The following CSMD1 variants were observed in gnomAD, a reference collection of about 807,000 sequenced individuals.
CSMD1 encodes the protein CUB and Sushi multiple domains 1, also known as CUB and sushi domain-containing protein 1.
Under a neutral mutation model 417.5 loss-of-function variants are expected in CSMD1, and 213 were observed. That is an observed-to-expected ratio of 0.51 (90% CI 0.46 to 0.57). The LOEUF is 0.57. Among genes scored for constraint, CSMD1 ranks in the 20% least tolerant of loss-of-function variants. CSMD1 has a pLI of 0.00. For missense variants in CSMD1, 6,923 were observed against 4,529.7 expected (o/e 1.53, Z -15.17); for synonymous variants, 2,862 against 1,736.8 (o/e 1.65, Z -16.11).
At chr8:3,458,745 T>A (rs569156465) in intron 12 of CSMD1, among the ~76,000 whole-genome samples, 102 of 152,322 alleles carry the variant, frequency 6.7e-4, no homozygotes, top group African/African-American at 2.4e-3. Flanking sequence ...AAATGGCTCT[T>A]AATATCTTTG....
At chr8:4,479,969 A>G (rs1484491393) in intron 2 of CSMD1, among the ~76,000 whole-genome samples, 1 of 150,966 alleles carries the variant, frequency 6.6e-6, no homozygotes, top group African/African-American at 2.5e-5. Flanking sequence ...CTGTCTCAAA[A>G]AAAAAAAAAA....
intron 2 of CSMD1, among the ~76,000 whole-genome samples, chr8:4,511,390 T>A (rs1416712317): frequency 1.3e-5 from 2 of 152,194 alleles, no homozygotes; most frequent in African/African-American, 4.8e-5. Context: ...CAAATCAGGA[T>A]TCTTTGCAAA....
chr8:4,803,441 G>T (rs17071413), intron 1 of CSMD1, among the ~76,000 whole-genome samples: 1 of 152,212 alleles, frequency 6.6e-6, no homozygotes, highest in East Asian at 1.9e-4. Context: ...TTATAGGAAG[G>T]GGTTTTGCAT....
chr8:3,364,005 A>T (rs1471124395), intron 20 of CSMD1, among the ~76,000 whole-genome samples: 1 of 152,216 alleles, frequency 6.6e-6, no homozygotes, highest in Admixed American at 6.5e-5. Flanking sequence ...ACACTGCTTT[A>T]ATAAGGCCTT....
chr8:3,603,846 C>A (rs970479599), intron 8 of CSMD1, among the ~76,000 whole-genome samples: 1 of 152,158 alleles, frequency 6.6e-6, no homozygotes. Context: ...ATACTTTCTA[C>A]TTTTTCTTCT....
Position 4,274,148 on chromosome 8 carries a change from C to T in CSMD1, c.415+145805G>A, listed in dbSNP as rs150090112. On this transcript the variant is annotated intron_variant, in intron 3 of 69. Coordinates refer to ENST00000635120, the MANE Select transcript of CSMD1 (RefSeq NM_033225.6). ...TTATCTTAGAAGTGACTCTAATACTCACTAATGTATTTTTTTGCAAAGTTA... is the reference window on the plus strand; with the variant it reads ...TTATCTTAGAAGTGACTCTAATACTTACTAATGTATTTTTTTGCAAAGTTA... 5.3e-4 allele frequency among the ~76,000 whole-genome samples: 80 copies of T among 152,190 alleles called. No individual in the cohort carries two copies. The East Asian group carries it at 6.6e-3, about 12-fold the overall frequency.
intron 7 of CSMD1, among the ~76,000 whole-genome samples, chr8:3,703,433 C>T (rs1256362231): frequency 7.6e-6 from 1 of 130,882 alleles, no homozygotes; most frequent in Non-Finnish European, 1.6e-5. Flanking sequence ...TTCCTTTCTC[C>T]CTTTTCATTC....
chr8:3,929,012 G>A (rs959521639), intron 5 of CSMD1, among the ~76,000 whole-genome samples: 2 of 150,258 alleles, frequency 1.3e-5, no homozygotes, highest in African/African-American at 4.9e-5. Flanking sequence ...ACCGATTTTT[G>A]GTTTCCCTGT....
chr8:3,992,776 G>C (rs1337348829), intron 5 of CSMD1, among the ~76,000 whole-genome samples: 1 of 152,198 alleles, frequency 6.6e-6, no homozygotes, highest in Non-Finnish European at 1.5e-5. Context: ...AGGAGACCCA[G>C]TACTAACATT....
At chr8:4,244,634 C>A (rs1261973993) in intron 3 of CSMD1, among the ~76,000 whole-genome samples, 1 of 151,866 alleles carries the variant, frequency 6.6e-6, no homozygotes, top group Admixed American at 6.6e-5. Flanking sequence ...TGACAAATTT[C>A]TTCAAAACTG....
In CSMD1 at chr8:4,638,728, G is replaced by A. The variant is rs181992544; in HGVS notation, c.86-1170C>T. Reference sequence around the variant, plus strand: ...GCCCTCCCTTAAGAACTTCCCTTTGGCAGGTGGAATTGGGATCACCCTGAG... The same window carrying A: ...GCCCTCCCTTAAGAACTTCCCTTTGACAGGTGGAATTGGGATCACCCTGAG... On this transcript the variant is annotated intron_variant, in intron 1 of 69. Coordinates refer to ENST00000635120, the MANE Select transcript of CSMD1 (RefSeq NM_033225.6). Among the ~76,000 whole-genome samples, 55 of 152,310 alleles carry A rather than the reference G, an allele frequency of 3.6e-4. 1 individual carries two copies. The East Asian group carries it at 0.01, about 28-fold the overall frequency.
rs149413021 is a variant in CSMD1 at position 3,525,765 on chromosome 8, T to C, written c.1345-32039A>G. Among the ~76,000 whole-genome samples, 170 of 152,298 alleles carry C rather than the reference T, an allele frequency of 1.1e-3. 1 individual carries two copies. The highest frequency in any genetic ancestry group is 3.9e-3 in the African/African-American group (161 of 41,568). On this transcript the variant is annotated intron_variant, in intron 10 of 69. Transcript: ENST00000635120. Reference sequence around the variant, plus strand: ...CTTTCAAAGGAAATGAATGGGAACATCACGTTGTAAGAATTTCTAATAGAA... The same window carrying C: ...CTTTCAAAGGAAATGAATGGGAACACCACGTTGTAAGAATTTCTAATAGAA...
At chr8:4,452,570 G>C (rs1390367896) in intron 2 of CSMD1, among the ~76,000 whole-genome samples, 1 of 152,198 alleles carries the variant, frequency 6.6e-6, no homozygotes, top group South Asian at 2.1e-4. Context: ...TTTTTATCAA[G>C]AATATTAAAC....
intron 4 of CSMD1, among the ~76,000 whole-genome samples, chr8:4,010,572 C>G (rs1358944365): frequency 2.0e-5 from 3 of 151,876 alleles, no homozygotes; most frequent in Non-Finnish European, 4.4e-5. Context: ...GCATCAGTTT[C>G]TACAGCTGCA....
chr8:4,669,015 C>T (rs145763757), intron 1 of CSMD1, among the ~76,000 whole-genome samples: 99 of 152,288 alleles, frequency 6.5e-4, no homozygotes, highest in African/African-American at 2.4e-3. Flanking sequence ...TAATCTCACT[C>T]ATTTCCTTTG....
At chr8:4,067,515 A>C (rs886871307) in intron 3 of CSMD1, among the ~76,000 whole-genome samples, 13 of 152,124 alleles carry the variant, frequency 8.5e-5, no homozygotes, top group Non-Finnish European at 1.5e-5. Context: ...TTTTAAATGC[A>C]TTTAACTTAA....
chr8:4,243,154 G>C (rs943977126), intron 3 of CSMD1, among the ~76,000 whole-genome samples: 4 of 152,086 alleles, frequency 2.6e-5, no homozygotes, highest in African/African-American at 9.7e-5. Flanking sequence ...AAGGAGAGGA[G>C]GGAGAGTGCT....
intron 5 of CSMD1, among the ~76,000 whole-genome samples, chr8:3,875,075 G>C (rs1490648534): frequency 1.3e-5 from 2 of 152,040 alleles, no homozygotes; most frequent in Non-Finnish European, 2.9e-5. Context: ...AGCGGACACA[G>C]AAAGGTGCCT....
chr8:4,176,502 C>G (rs1225210875), intron 3 of CSMD1, among the ~76,000 whole-genome samples: 1 of 152,048 alleles, frequency 6.6e-6, no homozygotes, highest in Non-Finnish European at 1.5e-5. Context: ...ACTACTGGTT[C>G]TATACCTTCA....
Sources: gnomAD v4.1 joint callset for allele counts (sites outside exome capture counted in the v4.1 genomes callset) on GRCh38, gnomAD v4.1.1 for gene constraint, MANE v1.5 for transcripts, NCBI Gene and HGNC (gene_info 2026-07-23, HGNC 2026-07-21) for gene names.